The following CSMD1 variants were observed in gnomAD, a reference collection of about 807,000 sequenced individuals.
CSMD1 encodes CUB and sushi domain-containing protein 1.
A neutral mutation model predicts 417.5 loss-of-function variants in CSMD1; 213 were observed. The observed-to-expected ratio is 0.51, with a 90% CI of 0.46 to 0.57. The LOEUF is 0.57. Ranked by LOEUF, CSMD1 falls within the 20% of genes least tolerant of loss-of-function variation. The probability of loss-of-function intolerance (pLI) is 0.00; values close to 1 mark genes in which losing one functional copy is unlikely to be tolerated. For missense variants in CSMD1, 6,923 were observed against 4,529.7 expected (o/e 1.53, Z -15.17); for synonymous variants, 2,862 against 1,736.8 (o/e 1.65, Z -16.11).
intron 1 of CSMD1, among the ~76,000 whole-genome samples, chr8:4,906,596 T>C (rs1805295841): frequency 7.9e-6 from 1 of 126,004 alleles, no homozygotes; most frequent in South Asian, 2.5e-4. Context: ...CCCCACTTTG[T>C]CGACCAGGTT....
intron 3 of CSMD1, among the ~76,000 whole-genome samples, chr8:4,043,723 A>T (rs893118143): frequency 6.6e-6 from 1 of 152,162 alleles, no homozygotes; most frequent in Non-Finnish European, 1.5e-5. Context: ...TTAAAATAAG[A>T]TTTATTACTA....
intron 26 of CSMD1, among the ~76,000 whole-genome samples, chr8:3,234,566 G>A (rs992452157): frequency 3.9e-5 from 6 of 152,140 alleles, no homozygotes; most frequent in African/African-American, 9.7e-5. Context: ...AGGAGTTACC[G>A]GAAGGCCATT....
rs534626036 is a variant in CSMD1, at chr8:3,065,738, A to G, written c.7475-13091T>C. Reference sequence around the variant, plus strand: ...TAGGAGATAGCCTACAAAGCATCTGATAAGTATTTTCTCAAAATATAAAAG... The same window carrying G: ...TAGGAGATAGCCTACAAAGCATCTGGTAAGTATTTTCTCAAAATATAAAAG... On this transcript the variant is annotated intron_variant, in intron 49 of 69. Transcript: ENST00000635120. Among the ~76,000 whole-genome samples, 79 of 152,354 alleles carry G rather than the reference A, an allele frequency of 5.2e-4. 1 individual carries two copies. The highest frequency in any genetic ancestry group is 3.4e-3 in the Middle Eastern group (1 of 294).
intron 4 of CSMD1, among the ~76,000 whole-genome samples, chr8:4,024,638 G>C (rs552556489): frequency 7.2e-5 from 11 of 152,246 alleles, no homozygotes; most frequent in Admixed American, 2.0e-4. Context: ...GCAGGATCTT[G>C]CATTTATGGG....
At chr8:4,949,586 G>A (rs1048738369) in intron 1 of CSMD1, among the ~76,000 whole-genome samples, 2 of 152,178 alleles carry the variant, frequency 1.3e-5, no homozygotes, top group South Asian at 2.1e-4. Context: ...TGCTGCCAAA[G>A]TTCCTGAAAT....
chr8:4,503,230 T>C (rs535809501), intron 2 of CSMD1, among the ~76,000 whole-genome samples: 7 of 152,280 alleles, frequency 4.6e-5, no homozygotes, highest in African/African-American at 1.4e-4. Context: ...TACAGCGTCA[T>C]AGTGTCTATG....
chr8:3,431,806 G>T (rs1814233591), intron 12 of CSMD1, among the ~76,000 whole-genome samples: 1 of 152,132 alleles, frequency 6.6e-6, no homozygotes, highest in Admixed American at 6.5e-5. Flanking sequence ...TAACATTGGA[G>T]AAAACAAATA....
chr8:4,173,002 G>C (rs918125389), intron 3 of CSMD1, among the ~76,000 whole-genome samples: 1 of 152,094 alleles, frequency 6.6e-6, no homozygotes, highest in Non-Finnish European at 1.5e-5. Flanking sequence ...CAGAAACCTT[G>C]AAATAATAAA....
chr8:4,791,517 C>T (rs1797688756), intron 1 of CSMD1, among the ~76,000 whole-genome samples: 1 of 152,132 alleles, frequency 6.6e-6, no homozygotes, highest in African/African-American at 2.4e-5. Flanking sequence ...ATCCAATCCC[C>T]TAAAGTTGTA....
intron 10 of CSMD1, among the ~76,000 whole-genome samples, chr8:3,497,117 T>G (rs1398273893): frequency 6.6e-6 from 1 of 152,216 alleles, no homozygotes; most frequent in African/African-American, 2.4e-5. Flanking sequence ...ATGTGTATTA[T>G]GCAGCTGTTG....
intron 1 of CSMD1, among the ~76,000 whole-genome samples, chr8:4,967,497 C>T (rs576753188): frequency 1.3e-5 from 2 of 152,168 alleles, no homozygotes; most frequent in Admixed American, 1.3e-4. Context: ...TACACACTCT[C>T]ATGAAATTAC....
chr8:4,074,954 A>G (rs1043697794), intron 3 of CSMD1, among the ~76,000 whole-genome samples: 7 of 152,112 alleles, frequency 4.6e-5, no homozygotes, highest in South Asian at 2.1e-4. Flanking sequence ...TTTTTGTGTG[A>G]CAGTTTGAGT....
At position 4,898,514 on chromosome 8, in the gene CSMD1, G is replaced by A. The variant is rs926675092; in HGVS notation, c.85+95818C>T. On this transcript the variant is annotated intron_variant, in intron 1 of 69. Transcript: ENST00000635120. The stretch of plus-strand genomic sequence containing the variant: ...TGCCTGCTCACTCCCATTACAGAAG[G>A]ACAATAAAACAGGTCTTTATGCCTC... 3.3e-5 allele frequency among the ~76,000 whole-genome samples: 5 copies of A among 152,156 alleles called. No homozygotes were observed. In the East Asian group the frequency reaches 7.7e-4, roughly 23 times the overall value.
At position 2,961,167 on chromosome 8, in the gene CSMD1, T is replaced by A. The variant is rs1335326136; in HGVS notation, c.9676A>T (p.Ile3226Leu). The change falls in exon 62 of 70, where the codon ATA (isoleucine) becomes TTA (leucine). Residue 3226 changes from isoleucine (I) to leucine (L), a missense_variant. Ile to Leu is a conservative substitution (Grantham distance 5). Transcript: ENST00000635120. ...CPDPGTPHFG[I>L]QNSSRGYEVG... ...TCATAGCCTCTGGAGCTATTCTGTA[T>A]TCCAAAGTGTGGCGTACCAGGGTCT... is the stretch of plus-strand genomic sequence containing the variant. 1 of 1,602,928 alleles carries A rather than the reference T, an allele frequency of 6.2e-7. No individual in the cohort carries two copies. The highest frequency in any genetic ancestry group is 8.5e-7 in the Non-Finnish European group (1 of 1,172,728).
intron 1 of CSMD1, among the ~76,000 whole-genome samples, chr8:4,820,580 G>A (rs974547990): frequency 6.6e-6 from 1 of 152,144 alleles, no homozygotes. Flanking sequence ...GCAAAGAAAT[G>A]CGTGAAAACA....
intron 2 of CSMD1, among the ~76,000 whole-genome samples, chr8:4,559,631 T>C (rs1248829713): frequency 1.3e-5 from 2 of 152,236 alleles, no homozygotes; most frequent in Non-Finnish European, 2.9e-5. Context: ...TAACCAAGCA[T>C]ATAATAAAAT....
At chr8:4,493,125 G>T (rs1469269273) in intron 2 of CSMD1, among the ~76,000 whole-genome samples, 10 of 152,084 alleles carry the variant, frequency 6.6e-5, no homozygotes, top group African/African-American at 1.9e-4. Context: ...ACCTGCTCTG[G>T]TACCGTAAGA....
chr8:3,402,364 C>T (rs112967106), intron 15 of CSMD1, among the ~76,000 whole-genome samples: 3 of 152,074 alleles, frequency 2.0e-5, no homozygotes, highest in Admixed American at 1.3e-4. Context: ...CCGTTTTCTA[C>T]AGACTTTAAG....
intron 5 of CSMD1, among the ~76,000 whole-genome samples, chr8:3,946,049 T>A (rs1457441559): frequency 4.6e-5 from 7 of 152,184 alleles, no homozygotes; most frequent in Non-Finnish European, 1.0e-4. Context: ...TACTTTTACC[T>A]TTCTTTCAAT....
Sources: gnomAD v4.1 joint callset for allele counts (sites outside exome capture counted in the v4.1 genomes callset) on GRCh38, gnomAD v4.1.1 for gene constraint, MANE v1.5 for transcripts, NCBI Gene and HGNC (gene_info 2026-07-23, HGNC 2026-07-21) for gene names.